Variants in DACH2 observed in about 807,000 individuals in gnomAD.
DACH2 encodes dachshund family transcription factor 2, also known as dachshund homolog 2.
A neutral mutation model predicts 35.8 loss-of-function variants in DACH2; 17 were observed. The ratio of observed to expected loss-of-function variants is 0.48; its 90% CI spans 0.33 to 0.71. The LOEUF (loss-of-function observed/expected upper bound fraction) is 0.71, where lower values mean the gene tolerates loss of function less well. Ranked by LOEUF, DACH2 falls within the 30% of genes least tolerant of loss-of-function variation. The pLI is 0.02. For synonymous variants in DACH2, 195 were observed against 177.3 expected (o/e 1.10, Z -0.79); for missense variants, 469 against 472.7 (o/e 0.99, Z 0.07).
At chrX:86,787,713 T>C (rs1317341508) in intron 7 of DACH2, among the ~76,000 whole-genome samples, 1 of 109,178 alleles carries the variant, frequency 9.2e-6, no homozygotes, top group Non-Finnish European at 1.9e-5. Flanking sequence ...GAAACATAAA[T>C]AGGGTTTTTT....
In DACH2 at chrX:86,549,120, C is replaced by T. The variant is rs1227344507; in HGVS notation, c.640+34729C>T. ...GTATTTGCAGAAGTGGGTGAGCTAT[C>T]ATGTCAGATATTATATGTCACATGT... On this transcript the variant is annotated intron_variant, in intron 3 of 11. Transcript: ENST00000373125. Among the ~76,000 whole-genome samples the T allele has an allele frequency of 3.6e-5, 4 of 111,383 alleles. No homozygotes were observed. The South Asian group carries it at 1.5e-3, about 41-fold the overall frequency.
In DACH2 at chrX:86,695,122, G is replaced by A. The variant is rs767422322; in HGVS notation, c.874G>A (p.Gly292Ser). 1.2e-5 allele frequency: 14 copies of A among 1,139,007 alleles called. No individual in the cohort carries two copies. The highest frequency in any genetic ancestry group is 1.6e-5 in the Non-Finnish European group (14 of 858,870). The allele number at this position is 1,139,007 out of a possible 1,213,427, so 93.9% of individuals were successfully genotyped here. Residue 292 changes from glycine to serine, a missense_variant, in exon 5 of 12, where the codon GGC becomes AGC. Physicochemically the swap from Gly to Ser is moderately conservative, Grantham distance 56. Around this residue, in one of 3 missense-constraint regions of DACH2, gnomAD observed 363 missense variants for 334.4 expected, o/e 1.09. Coordinates refer to ENST00000373125, the MANE Select transcript of DACH2 (RefSeq NM_053281.3). ...IAHAALAGQP[G>S]IGGAPTLNPL... is the part of the protein sequence containing the mutation. ...TCATGCAGCCCTAGCTGGCCAGCCA[G>A]GCATTGGGGGTGCTCCAACCCTCAA...
chrX:86,172,555 G>C (rs2031158992), intron 1 of DACH2, among the ~76,000 whole-genome samples: 2 of 112,003 alleles, frequency 1.8e-5, no homozygotes, highest in Admixed American at 1.9e-4. Flanking sequence ...ATTACCTGAG[G>C]CCTCACAGTC....
At chrX:86,554,535 A>G (rs2039091562) in intron 3 of DACH2, among the ~76,000 whole-genome samples, 1 of 111,759 alleles carries the variant, frequency 8.9e-6, no homozygotes, top group Admixed American at 9.6e-5. Flanking sequence ...TCTAATTATA[A>G]TTGATGGATT....
chrX:86,332,809 T>A (rs1043897803), intron 1 of DACH2, among the ~76,000 whole-genome samples: 2 of 112,048 alleles, frequency 1.8e-5, no homozygotes, highest in African/African-American at 6.5e-5. Context: ...AGAATTCCAG[T>A]GCAATATATT....
At chrX:86,606,651 A>G (rs2039862307) in intron 3 of DACH2, among the ~76,000 whole-genome samples, 1 of 111,528 alleles carries the variant, frequency 9.0e-6, no homozygotes, top group Non-Finnish European at 1.9e-5. Flanking sequence ...TGTGCTGAGC[A>G]AAAGAATGTG....
At chrX:86,831,492 A>G (rs926858121) in intron 11 of DACH2, 8 of 111,670 alleles carry the variant, frequency 7.2e-5, no homozygotes, top group Non-Finnish European at 1.5e-4. Context: ...AAAGAGGTAG[A>G]ATAAATTTTT....
chrX:86,662,948 A>G (rs986691425), intron 4 of DACH2, among the ~76,000 whole-genome samples: 1 of 111,896 alleles, frequency 8.9e-6, no homozygotes, highest in African/African-American at 3.2e-5. Flanking sequence ...ATATGTGATG[A>G]TAATGATAAA....
At chrX:86,790,169 T>G (rs943203128) in intron 7 of DACH2, among the ~76,000 whole-genome samples, 18 of 111,766 alleles carry the variant, frequency 1.6e-4, no homozygotes, top group African/African-American at 5.8e-4. Context: ...CAATTCAATC[T>G]GAAAAGATGT....
chrX:86,454,501 C>G (rs1367086247), intron 2 of DACH2, among the ~76,000 whole-genome samples: 1 of 112,106 alleles, frequency 8.9e-6, no homozygotes, highest in Non-Finnish European at 1.9e-5. Flanking sequence ...GTATTCTTGT[C>G]TGACTGTCTT....
chrX:86,765,529 A>T (rs2041922950), intron 7 of DACH2, among the ~76,000 whole-genome samples: 1 of 109,884 alleles, frequency 9.1e-6, no homozygotes, highest in Non-Finnish European at 1.9e-5. Flanking sequence ...TTTGTTGAAG[A>T]TCAGATGTTT....
At chrX:86,347,432 A>G (rs1276145156) in intron 1 of DACH2, among the ~76,000 whole-genome samples, 1 of 112,696 alleles carries the variant, frequency 8.9e-6, no homozygotes, top group Non-Finnish European at 1.9e-5. Context: ...CACCATTTCT[A>G]TAGTTACAGT....
intron 2 of DACH2, among the ~76,000 whole-genome samples, chrX:86,430,742 G>T (rs1328170921): frequency 8.9e-6 from 1 of 111,829 alleles, no homozygotes; most frequent in Non-Finnish European, 1.9e-5. Context: ...AGCATGGAAG[G>T]ATAATTAAGG....
chrX:86,739,849 C>G lies in DACH2; in HGVS notation c.1207C>G (p.Pro403Ala), dbSNP rs2041635557. The change falls in exon 7 of 12, where the codon CCC becomes GCC. Residue 403 changes from proline (P) to alanine (A), a missense_variant. Transcript: ENST00000373125. ...CACCAGCAGCAGTGTGTCCAGCTCT[C>G]CCTCTCAGATGGATCATCATTTGGA... Reference protein sequence around the residue: ...SHTSSSVSSSPSQMDHHLERM... With the variant: ...SHTSSSVSSSASQMDHHLERM... The G allele has an allele frequency of 8.3e-7, 1 of 1,203,084 alleles. No individual in the cohort carries two copies. The highest frequency in any genetic ancestry group is 2.2e-5 in the Admixed American group (1 of 45,004).
At chrX:86,636,992 T>C (rs7876426) in intron 3 of DACH2, among the ~76,000 whole-genome samples, 2 of 58,880 alleles carry the variant, frequency 3.4e-5, no homozygotes, top group Middle Eastern at 0.013. Flanking sequence ...GCATCTATAA[T>C]AAACTTAAAC....
At chrX:86,456,150 G>C (rs1470752136) in intron 2 of DACH2, among the ~76,000 whole-genome samples, 2 of 111,871 alleles carry the variant, frequency 1.8e-5, no homozygotes, top group African/African-American at 6.5e-5. Context: ...GTTCTTCATG[G>C]GTGAAGTTGT....
At chrX:86,396,108 T>C (rs1465976899) in intron 2 of DACH2, among the ~76,000 whole-genome samples, 1 of 112,280 alleles carries the variant, frequency 8.9e-6, no homozygotes, top group East Asian at 2.8e-4. Flanking sequence ...TATCTCATTG[T>C]GGTTTTGATT....
chrX:86,330,046 T>A (rs775463447), intron 1 of DACH2, among the ~76,000 whole-genome samples: 1 of 111,793 alleles, frequency 8.9e-6, no homozygotes, highest in Non-Finnish European at 1.9e-5. Flanking sequence ...GCAACAAAAT[T>A]GGAACTTTTC....
At chrX:86,645,828 C>T (rs934283545) in intron 3 of DACH2, among the ~76,000 whole-genome samples, 2 of 111,038 alleles carry the variant, frequency 1.8e-5, no homozygotes, top group African/African-American at 6.5e-5. Context: ...CATGTTTTCA[C>T]TTCTGAGTGA....
Sources: gnomAD v4.1 joint callset for allele counts (sites outside exome capture counted in the v4.1 genomes callset) on GRCh38, gnomAD v4.1.1 for gene constraint, gnomAD v4.1.1 regional missense constraint, MANE v1.5 for transcripts, NCBI Gene and HGNC (gene_info 2026-07-23, HGNC 2026-07-21) for gene names.